The following BLTP2 variants were observed in gnomAD, a reference collection of about 807,000 sequenced individuals.
BLTP2 encodes U937-associated antigen.
chr17:28,624,128 AT>A, the BLTP2 span: 2 of 1,446,302 alleles, frequency 1.4e-6, no homozygotes, highest in Non-Finnish European at 1.9e-6. Flanking sequence ...AGAAGGCCAA[AT>A]TTTTTGGAGC....
the BLTP2 span, chr17:28,624,366 A>G: frequency 6.2e-7 from 1 of 1,613,672 alleles, no homozygotes; most frequent in Non-Finnish European, 8.5e-7. Context: ...TGTCTCTTCA[A>G]TTAGCTTCTG....
chr17:28,633,753 T>A, the BLTP2 span: 1 of 1,613,050 alleles, frequency 6.2e-7, no homozygotes, highest in African/African-American at 1.3e-5. Flanking sequence ...ATATTTCCGC[T>A]GGGGTAGAGG....
chr17:28,639,886 C>A, the BLTP2 span: 1 of 1,614,038 alleles, frequency 6.2e-7, no homozygotes, highest in Non-Finnish European at 8.5e-7. Context: ...AGTACCAGTA[C>A]CCCGACCCAT....
At chr17:28,632,130 G>A in the BLTP2 span, 3 of 1,614,100 alleles carry the variant, frequency 1.9e-6, no homozygotes, top group East Asian at 2.2e-5. Context: ...TCAGGTTATT[G>A]AAGAGCTTTC....
the BLTP2 span, chr17:28,635,720 G>A: frequency 8.7e-7 from 1 of 1,146,270 alleles, no homozygotes. Context: ...CCACCCAGAA[G>A]TTGTTCCTGA....
chr17:28,643,985 A>G, the BLTP2 span: 231 of 1,527,912 alleles, frequency 1.5e-4, no homozygotes, highest in Middle Eastern at 3.6e-4. Context: ...TCTATTTTTA[A>G]AAAAAGGAAA....
chr17:28,643,443 T>C, the BLTP2 span: 1 of 1,380,826 alleles, frequency 7.2e-7, no homozygotes, highest in Non-Finnish European at 1.0e-6. Context: ...TCATAGCAGT[T>C]ATCAATATCT....
At chr17:28,631,379 A>G in the BLTP2 span, 1 of 1,135,830 alleles carries the variant, frequency 8.8e-7, no homozygotes, top group East Asian at 2.5e-5. Flanking sequence ...TTTTTGTTGT[A>G]TAAACCTCCC....
chr17:28,628,513 A>C, the BLTP2 span: 7 of 1,614,236 alleles, frequency 4.3e-6, no homozygotes, highest in South Asian at 1.1e-5. Context: ...TACTAAGTGC[A>C]GCTGATGTGT....
the BLTP2 span, chr17:28,638,431 A>T: frequency 6.2e-7 from 1 of 1,611,586 alleles, no homozygotes; most frequent in Non-Finnish European, 8.5e-7. Context: ...CAAAGGTGAG[A>T]AAGAGGGATT....
At chr17:28,631,000 C>G in the BLTP2 span, among the ~76,000 whole-genome samples, 2 of 152,262 alleles carry the variant, frequency 1.3e-5, no homozygotes, top group South Asian at 4.1e-4. Context: ...AAAGTAATGA[C>G]ATACATGCTT....
the BLTP2 span, chr17:28,624,040 C>A: frequency 7.0e-7 from 1 of 1,433,290 alleles, no homozygotes; most frequent in South Asian, 1.2e-5. Context: ...TCAACCACTG[C>A]AGCTAGGTCT....
At chr17:28,633,201 C>A in the BLTP2 span, 4 of 1,595,598 alleles carry the variant, frequency 2.5e-6, no homozygotes, top group South Asian at 1.1e-5. Flanking sequence ...GTGCCCTGGT[C>A]ACTCACTTCC....
At chr17:28,635,275 G>A in the BLTP2 span, 2 of 1,614,070 alleles carry the variant, frequency 1.2e-6, no homozygotes, top group Non-Finnish European at 1.7e-6. Flanking sequence ...AGCCAGCTCT[G>A]GACAGTATGC....
the BLTP2 span, chr17:28,632,900 T>C: frequency 3.5e-6 from 5 of 1,438,464 alleles, no homozygotes; most frequent in Admixed American, 9.8e-5. Context: ...ATGCCCGTCC[T>C]CCCAAGCCCT....
the BLTP2 span, among the ~76,000 whole-genome samples, chr17:28,627,121 AT>A: frequency 6.6e-6 from 1 of 152,174 alleles, no homozygotes; most frequent in Non-Finnish European, 1.5e-5. Flanking sequence ...GTTGGGAAAA[AT>A]TCCCACACAT....
At chr17:28,643,579 T>C in the BLTP2 span, 1 of 1,601,198 alleles carries the variant, frequency 6.2e-7, no homozygotes, top group Non-Finnish European at 8.6e-7. Context: ...AGTACTCTTC[T>C]AGGGGAGAAG....
At chr17:28,620,109 C>G in the BLTP2 span, 1 of 1,185,250 alleles carries the variant, frequency 8.4e-7, no homozygotes, top group Non-Finnish European at 1.2e-6. Flanking sequence ...TGGGGGGGGT[C>G]TCTTCTAGAA....
At chr17:28,624,099 A>G in the BLTP2 span, 2 of 1,336,764 alleles carry the variant, frequency 1.5e-6, no homozygotes, top group Non-Finnish European at 2.1e-6. Context: ...CATAGAAGTG[A>G]TTACCTATGA....
Sources: gnomAD v4.1 joint callset for allele counts (sites outside exome capture counted in the v4.1 genomes callset) on GRCh38, gnomAD v4.1.1 for gene constraint, MANE v1.5 for transcripts, NCBI Gene and HGNC (gene_info 2026-07-23, HGNC 2026-07-21) for gene names.